PRICKLE2: variants seen among roughly 807,000 people sequenced by gnomAD.
PRICKLE2 encodes prickle planar cell polarity protein 2.
Under a neutral mutation model 81.4 loss-of-function variants are expected in PRICKLE2, and 21 were observed. That is an observed-to-expected ratio of 0.26 (90% confidence interval 0.18 to 0.37). The LOEUF is 0.37. PRICKLE2 is among the 10% of genes least tolerant of loss of function. The probability of loss-of-function intolerance (pLI) is 1.00; values close to 1 mark genes in which losing one functional copy is unlikely to be tolerated. For missense variants in PRICKLE2, 940 were observed against 1,109.0 expected, an observed-to-expected ratio of 0.85 and a Z score of 2.16; for synonymous variants, 456 against 421.5, an observed-to-expected ratio of 1.08 and a Z score of -1.00.
intron 7 of PRICKLE2, chr3:64,146,592 A>T (rs1343885006): frequency 6.1e-6 from 3 of 489,440 alleles, no homozygotes; most frequent in South Asian, 2.2e-5. Context: ...AATACAAAAA[A>T]ATTAGCCAGG....
Position 64,099,667 on chromosome 3 carries a change from T to C in PRICKLE2, c.1919A>G (p.His640Arg). ...YRDLQSHGRM[H>R]QSFDFDGGMA... is the part of the protein sequence containing the mutation. Reference sequence around the variant, plus strand: ...CCCTCCATCAAAATCAAAGCTCTGATGCATCCTTCCGTGGGACTGCAGGTC... The same window carrying C: ...CCCTCCATCAAAATCAAAGCTCTGACGCATCCTTCCGTGGGACTGCAGGTC... The change falls in exon 8 of 8, where the codon CAT becomes CGT. Residue 640 changes from histidine (H) to arginine (R), a missense_variant. Around this residue, in one of 2 missense-constraint regions of PRICKLE2, gnomAD observed 670 missense variants for 717.2 expected, o/e 0.93. Coordinates refer to ENST00000638394, the MANE Select transcript of PRICKLE2 (RefSeq NM_198859.4). This position sits in a 1 kb window ranked among gnomAD's most constrained non-coding sequence, Gnocchi z 4.3. 6.2e-7 allele frequency: 1 copy of C among 1,614,196 alleles called. No individual in the cohort carries two copies. Among genetic ancestry groups the C allele is most frequent in the Non-Finnish European group, 8.5e-7 (1 of 1,180,040 alleles).
chr3:64,244,604 G>GTGTA (rs1491159381), intron 2 of PRICKLE2, among the ~76,000 whole-genome samples: 6 of 9,240 alleles, frequency 6.5e-4, no homozygotes, highest in Admixed American at 2.1e-3. Context: ...TGAATGACTG[G>GTGTA]TGTGTGTGTG....
In PRICKLE2 at chr3:64,099,782, C is replaced by A. The variant is rs772970017; in HGVS notation, c.1804G>T (p.Ala602Ser). The A allele has an allele frequency of 1.9e-6, 3 of 1,614,188 alleles. No individual in the cohort carries two copies. The highest frequency in any genetic ancestry group is 8.5e-7 in the Non-Finnish European group (1 of 1,180,028). The change falls in exon 8 of 8, where the codon GCA (alanine) becomes TCA (serine). Residue 602 changes from alanine to serine, a missense_variant. Around this residue, in one of 2 missense-constraint regions of PRICKLE2, gnomAD observed 670 missense variants for 717.2 expected, o/e 0.93. Transcript: ENST00000638394. The surrounding 1 kb of genome is among the most constrained non-coding windows in gnomAD (Gnocchi z 4.3). Reference sequence around the variant, plus strand: ...GAGAGCAGGCTGCGAACTGACTCTGCGCTCCGGAACTGCATGGACGAGTTA... The same window carrying A: ...GAGAGCAGGCTGCGAACTGACTCTGAGCTCCGGAACTGCATGGACGAGTTA... ...TLNSSMQFRS[A>S]ESVRSLLSAQ...
chr3:64,200,653 T>C (rs1204326845), intron 1 of PRICKLE2: 1 of 151,336 alleles, frequency 6.6e-6, no homozygotes, highest in Non-Finnish European at 1.5e-5. Context: ...TCTCACTCTG[T>C]CGCCCAGGCT....
At chr3:64,242,016 T>A (rs6804747) in intron 2 of PRICKLE2, among the ~76,000 whole-genome samples, 1 of 151,854 alleles carries the variant, frequency 6.6e-6, no homozygotes, top group Non-Finnish European at 1.5e-5. Flanking sequence ...CCTCCATGTA[T>A]ATTATTTCGC....
chr3:64,183,624 A>C (rs181696257), intron 2 of PRICKLE2, among the ~76,000 whole-genome samples: 3 of 152,196 alleles, frequency 2.0e-5, no homozygotes, highest in African/African-American at 7.2e-5. Context: ...GCTATAGAGT[A>C]TATCACAGCA....
intron 2 of PRICKLE2, among the ~76,000 whole-genome samples, chr3:64,176,658 T>A (rs1184671095): frequency 6.6e-6 from 1 of 152,250 alleles, no homozygotes; most frequent in Admixed American, 6.5e-5. Flanking sequence ...GTAACCTTTG[T>A]TTCAAGTCAG....
intron 1 of PRICKLE2, among the ~76,000 whole-genome samples, chr3:64,217,152 T>C (rs916494072): frequency 6.6e-6 from 1 of 152,040 alleles, no homozygotes; most frequent in Non-Finnish European, 1.5e-5. Context: ...AAACAGCCCC[T>C]TGTAAAGGAG....
chr3:64,107,359 G>GA (rs778675913), intron 7 of PRICKLE2, among the ~76,000 whole-genome samples: 11 of 152,156 alleles, frequency 7.2e-5, no homozygotes, highest in Admixed American at 2.0e-4. Context: ...TGATGGAACG[G>GA]AAAGAAAATA....
At chr3:64,255,291 A>G (rs1156908058) in intron 2 of PRICKLE2, among the ~76,000 whole-genome samples, 1 of 152,222 alleles carries the variant, frequency 6.6e-6, no homozygotes, top group East Asian at 1.9e-4. Flanking sequence ...AAAGTTTGGT[A>G]GAATCTCAAG....
chr3:64,217,105 T>C (rs547047232), intron 1 of PRICKLE2, among the ~76,000 whole-genome samples: 2 of 152,282 alleles, frequency 1.3e-5, no homozygotes, highest in South Asian at 4.1e-4. Context: ...CCTGACTACC[T>C]AACCAATGGC....
intron 2 of PRICKLE2, among the ~76,000 whole-genome samples, chr3:64,241,283 T>G (rs1385260762): frequency 6.6e-6 from 1 of 152,224 alleles, no homozygotes; most frequent in Non-Finnish European, 1.5e-5. Flanking sequence ...AGCCACCAGC[T>G]GGAGCTGACT....
Position 64,225,012 on chromosome 3 carries a change from G to T in PRICKLE2, c.-143C>A. 1 of 985,410 alleles carries T rather than the reference G, an allele frequency of 1.0e-6. No homozygotes were observed. The allele number at this position is 985,410 out of a possible 1,614,324, so 61.0% of individuals were successfully genotyped here. On this transcript the variant is annotated 5_prime_UTR_variant, in exon 1 of 8. Coordinates refer to ENST00000638394, the MANE Select transcript of PRICKLE2 (RefSeq NM_198859.4). ...CTTTCTCCCTGGATCTGACTTCTAA[G>T]AACGCAAGCAGGACCTCAGGCAGCC... is the stretch of plus-strand genomic sequence containing the variant.
chr3:64,149,263 A>G (rs1384538276), intron 6 of PRICKLE2, among the ~76,000 whole-genome samples: 1 of 152,166 alleles, frequency 6.6e-6, no homozygotes, highest in Non-Finnish European at 1.5e-5. Context: ...GGGTGGGGCA[A>G]AAGCTGATCT....
chr3:64,127,719 C>T (rs1206374006), intron 7 of PRICKLE2, among the ~76,000 whole-genome samples: 4 of 151,812 alleles, frequency 2.6e-5, no homozygotes, highest in South Asian at 2.1e-4. Flanking sequence ...GGACCTGAGC[C>T]GTCAGCCCAC....
chr3:64,151,280 C>G (rs1440725650), intron 6 of PRICKLE2, among the ~76,000 whole-genome samples: 3 of 152,202 alleles, frequency 2.0e-5, no homozygotes, highest in African/African-American at 7.2e-5. Flanking sequence ...ACATTAGGGA[C>G]AGCATTTTAA....
At chr3:64,189,764 A>G (rs2078298652) in intron 2 of PRICKLE2, among the ~76,000 whole-genome samples, 1 of 152,218 alleles carries the variant, frequency 6.6e-6, no homozygotes, top group Non-Finnish European at 1.5e-5. Flanking sequence ...ACAGACTCAC[A>G]TTTTGGAAGG....
Position 64,247,695 on chromosome 3 carries a change from A to G in PRICKLE2, c.129-48728T>C, listed in dbSNP as rs76355056. Among the ~76,000 whole-genome samples the G allele has an allele frequency of 1.9e-3, 294 of 152,332 alleles. 1 individual carries two copies. The highest frequency in any genetic ancestry group is 6.5e-3 in the African/African-American group (269 of 41,582). On this transcript the variant is annotated intron_variant, in intron 2 of 8. Coordinates refer to the PRICKLE2 transcript ENST00000295902. Reference sequence around the variant, plus strand: ...AACTTAAACAACCTGGGCTATGACTATGACATATGAGAAAGTTAACTCCCC... The same window carrying G: ...AACTTAAACAACCTGGGCTATGACTGTGACATATGAGAAAGTTAACTCCCC...
At chr3:64,238,243 T>C (rs2079211205) in intron 2 of PRICKLE2, among the ~76,000 whole-genome samples, 1 of 152,138 alleles carries the variant, frequency 6.6e-6, no homozygotes, top group Non-Finnish European at 1.5e-5. Context: ...TCCCAGCCCT[T>C]TGGGAGGCCA....
Sources: allele counts gnomAD v4.1 joint callset (sites outside exome capture counted in the v4.1 genomes callset), GRCh38; gene constraint gnomAD v4.1.1; regional missense constraint gnomAD v4.1.1; non-coding constraint Gnocchi (gnomAD v3.1); transcripts MANE v1.5; gene names NCBI Gene and HGNC (gene_info 2026-07-23, HGNC 2026-07-21).